The following TNR variants were observed in gnomAD, a reference collection of about 807,000 sequenced individuals.
TNR encodes tenascin-R.
TNR carries 45 observed loss-of-function variants against 150.4 expected under a neutral mutation model. The ratio of observed to expected loss-of-function variants is 0.30; its 90% CI spans 0.24 to 0.38. TNR has a LOEUF of 0.38. Ranked by LOEUF, TNR falls within the 10% of genes least tolerant of loss-of-function variation. The pLI, the probability that TNR is intolerant of heterozygous loss-of-function variation, is 1.00. For missense variants in TNR, 1,544 were observed against 1,759.1 expected, an observed-to-expected ratio of 0.88 and a Z score of 2.19; for synonymous variants, 687 against 678.4, an observed-to-expected ratio of 1.01 and a Z score of -0.20.
chr1:175,622,765 A>C (rs1043563405), intron 1 of TNR, among the ~76,000 whole-genome samples: 1 of 152,242 alleles, frequency 6.6e-6, no homozygotes, highest in Admixed American at 6.5e-5. Context: ...AGGTATTAGC[A>C]GGGCTATGAT....
At chr1:175,616,611 A>T (rs1013470179) in intron 1 of TNR, among the ~76,000 whole-genome samples, 5 of 152,190 alleles carry the variant, frequency 3.3e-5, no homozygotes, top group African/African-American at 4.8e-5. Flanking sequence ...GGGGCTCAGC[A>T]CAGGCAAGGA....
rs145209018 is a variant in TNR, at chr1:175,546,483, C to T, written c.-164-18114G>A. 2.7e-4 allele frequency among the ~76,000 whole-genome samples: 41 copies of T among 152,298 alleles called. 1 individual carries two copies. In the East Asian group the frequency reaches 3.7e-3, roughly 14 times the overall value. The stretch of plus-strand genomic sequence containing the variant: ...CTGTTTCTTTGTGAGGATCAGGACA[C>T]GGCTAATGGGATGTGGAACTTCCCT... On this transcript the variant is annotated intron_variant, in intron 1 of 22. Coordinates refer to ENST00000367674, the MANE Select transcript of TNR (RefSeq NM_003285.3).
chr1:175,348,347 A>T (rs1338222423), intron 18 of TNR, among the ~76,000 whole-genome samples: 1 of 152,210 alleles, frequency 6.6e-6, no homozygotes, highest in Admixed American at 6.5e-5. Flanking sequence ...TAATTTATAA[A>T]TTCATTGTCA....
rs2239818 is a variant in TNR at position 175,406,499 on chromosome 1, G to A, written c.216C>T (p.Asn72=). Residue 72 remains asparagine, a synonymous_variant, in exon 3 of 23, where the codon AAC becomes AAT. Transcript: ENST00000367674. ...PVVFNHVYNI[N]VPLDNLCSSG... ...AGGAGCAGAGGTTGTCCAAGGGCAC[G>A]TTAATGTTGTACACGTGGTTGAAGA... is the stretch of plus-strand genomic sequence containing the variant. The A allele has an allele frequency of 0.068, 109,406 of 1,614,128 alleles. 4,286 individuals carry two copies. Among genetic ancestry groups the A allele is most frequent in the Middle Eastern group, 0.17 (1,023 of 6,062 alleles).
At chr1:175,584,477 A>G (rs1662487578) in intron 1 of TNR, among the ~76,000 whole-genome samples, 2 of 152,176 alleles carry the variant, frequency 1.3e-5, no homozygotes, top group Admixed American at 6.5e-5. Flanking sequence ...GAGACAGTAA[A>G]TTACTGTTGT....
intron 18 of TNR, among the ~76,000 whole-genome samples, chr1:175,346,177 G>A (rs1650771858): frequency 6.6e-6 from 1 of 152,134 alleles, no homozygotes; most frequent in Non-Finnish European, 1.5e-5. Flanking sequence ...AAAATTTAGA[G>A]AACACAAATA....
At chr1:175,405,745 C>T (rs1218914770) in intron 3 of TNR, among the ~76,000 whole-genome samples, 2 of 152,076 alleles carry the variant, frequency 1.3e-5, no homozygotes, top group Non-Finnish European at 2.9e-5. Context: ...TAATGACTAT[C>T]ATCTACTCAG....
intron 8 of TNR, 99 bp downstream of exon 8, chr1:175,385,933 C>G (rs1276585733): frequency 5.1e-6 from 7 of 1,380,098 alleles, no homozygotes; most frequent in Non-Finnish European, 4.9e-6. Flanking sequence ...TCTGACACAC[C>G]TTGCCTCATT....
rs111865206 is a variant in TNR, at chr1:175,400,065, G to A, written c.976+3075C>T. 7.9e-5 allele frequency among the ~76,000 whole-genome samples: 12 copies of A among 152,208 alleles called. 1 individual carries two copies. The highest frequency in any genetic ancestry group is 2.4e-4 in the African/African-American group (10 of 41,518). On this transcript the variant is annotated intron_variant, in intron 4 of 22. Coordinates refer to ENST00000367674, the MANE Select transcript of TNR (RefSeq NM_003285.3). ...ATGGTTCTTTTATCCTGCTGGCTCC[G>A]GGGGAGTTTTGGCCAGCTCCCTGGC...
intron 2 of TNR, among the ~76,000 whole-genome samples, chr1:175,506,498 G>A (rs1388920883): frequency 1.3e-5 from 2 of 152,178 alleles, no homozygotes; most frequent in Non-Finnish European, 2.9e-5. Context: ...GTTAGGGTGG[G>A]CCCTAGGCTA....
chr1:175,735,250 T>C (rs1667743081), intron 1 of TNR, among the ~76,000 whole-genome samples: 1 of 152,116 alleles, frequency 6.6e-6, no homozygotes, highest in African/African-American at 2.4e-5. Context: ...GGCGCTGCCC[T>C]CTCCTCTGTC....
At chr1:175,672,239 C>T (rs1191106225) in intron 1 of TNR, among the ~76,000 whole-genome samples, 1 of 152,080 alleles carries the variant, frequency 6.6e-6, no homozygotes, top group Non-Finnish European at 1.5e-5. Context: ...AACAAATGTC[C>T]CATCCCTGCC....
In TNR at chr1:175,403,517, G is replaced by A. The variant is rs1178257247; in HGVS notation, c.599C>T (p.Ser200Leu). Residue 200 changes from serine (S) to leucine (L), a missense_variant, in exon 4 of 23, where the codon TCG (serine) becomes TTG (leucine). Transcript: ENST00000367674. ...CNEGWFGKNC[S>L]EPYCPLGCSS... is the part of the protein sequence containing the mutation. ...GCAACCCAGCGGGCAGTAGGGCTCCGAGCAATTCTTGCCAAACCAGCCTTC... is the reference window on the plus strand; with the variant it reads ...GCAACCCAGCGGGCAGTAGGGCTCCAAGCAATTCTTGCCAAACCAGCCTTC... 7 of 1,614,062 alleles carry A rather than the reference G, an allele frequency of 4.3e-6. No individual in the cohort carries two copies. Among genetic ancestry groups the A allele is most frequent in the East Asian group, 2.2e-5 (1 of 44,894 alleles).
chr1:175,334,768 G>GGA (rs1300696207), intron 20 of TNR, among the ~76,000 whole-genome samples: 1 of 152,218 alleles, frequency 6.6e-6, no homozygotes, highest in Non-Finnish European at 1.5e-5. Context: ...CTGAGTTTTT[G>GGA]GAGAGATTGA....
At chr1:175,381,793 T>C (rs1652693099) in intron 8 of TNR, among the ~76,000 whole-genome samples, 1 of 152,262 alleles carries the variant, frequency 6.6e-6, no homozygotes, top group African/African-American at 2.4e-5. Flanking sequence ...GTTGCTTCCT[T>C]TTACAAACTC....
Position 175,484,148 on chromosome 1 carries a change from A to T in TNR, c.-64+44121T>A, listed in dbSNP as rs575239196. The stretch of plus-strand genomic sequence containing the variant: ...TATGAATGGAAGTCAGATGGATAAA[A>T]GGTCACTTAACCTCTCATGCCTTTA... On this transcript the variant is annotated intron_variant, in intron 2 of 22. Transcript: ENST00000367674. Among the ~76,000 whole-genome samples, 4 of 152,372 alleles carry T rather than the reference A, an allele frequency of 2.6e-5. No individual in the cohort carries two copies. The South Asian group carries it at 8.3e-4, about 32-fold the overall frequency.
chr1:175,736,381 C>A (rs1334191047), intron 1 of TNR, among the ~76,000 whole-genome samples: 1 of 152,018 alleles, frequency 6.6e-6, no homozygotes, highest in Non-Finnish European at 1.5e-5. Flanking sequence ...ATTAGTGGGG[C>A]GTGGTGGCCG....
In TNR at chr1:175,324,469, C is replaced by T. The variant is rs1557862835; in HGVS notation, c.3844G>A (p.Asp1282Asn). ...QGRPFSTEDRDNDVAVTNCAM... is the reference protein window; with the variant it reads ...QGRPFSTEDRNNDVAVTNCAM... Reference sequence around the variant, plus strand: ...CAGTTAGTCACTGCAACATCATTGTCTCTATCCTCTGTGGAGAAAGGGCGT... The same window carrying T: ...CAGTTAGTCACTGCAACATCATTGTTTCTATCCTCTGTGGAGAAAGGGCGT... Residue 1282 changes from aspartate (D) to asparagine (N), a missense_variant, in exon 22 of 23, where the codon GAC becomes AAC. Physicochemically the swap from Asp to Asn is conservative, Grantham distance 23. This residue lies in a region of TNR where 290 missense variants were observed against 429.7 expected (regional missense o/e 0.67). Coordinates refer to ENST00000367674, the MANE Select transcript of TNR (RefSeq NM_003285.3). 6.2e-7 allele frequency: 1 copy of T among 1,614,150 alleles called. No individual in the cohort carries two copies. The highest frequency in any genetic ancestry group is 2.2e-5 in the East Asian group (1 of 44,876).
chr1:175,622,187 G>A (rs1663998189), intron 1 of TNR, among the ~76,000 whole-genome samples: 1 of 152,190 alleles, frequency 6.6e-6, no homozygotes, highest in Admixed American at 6.5e-5. Context: ...GGAAATAAAT[G>A]AGTCTTGGAG....
Sources: gnomAD v4.1 joint callset for allele counts (sites outside exome capture counted in the v4.1 genomes callset) on GRCh38, gnomAD v4.1.1 for gene constraint, gnomAD v4.1.1 regional missense constraint, MANE v1.5 for transcripts, NCBI Gene and HGNC (gene_info 2026-07-23, HGNC 2026-07-21) for gene names.